DSE: variants seen among roughly 807,000 people sequenced by gnomAD.
The protein encoded by DSE is dermatan sulfate epimerase, also known as dermatan-sulfate epimerase.
A neutral mutation model predicts 84.4 loss-of-function variants in DSE; 36 were observed. The observed-to-expected ratio is 0.43, with a 90% CI of 0.33 to 0.56. The LOEUF (loss-of-function observed/expected upper bound fraction) is 0.56. Among genes scored for constraint, DSE ranks in the 20% least tolerant of loss-of-function variants. The probability of loss-of-function intolerance (pLI) is 0.06; values close to 1 mark genes in which losing one functional copy is unlikely to be tolerated. For synonymous variants in DSE, 410 were observed against 430.1 expected (o/e 0.95, Z 0.58); for missense variants, 862 against 1,169.6 (o/e 0.74, Z 3.84).
chr6:116,393,831 G>C (rs576965158), intron 1 of DSE, among the ~76,000 whole-genome samples: 12 of 152,266 alleles, frequency 7.9e-5, no homozygotes, highest in African/African-American at 2.9e-4. Context: ...TACTTTCTCT[G>C]TTTTCTGAAG....
intron 1 of DSE, among the ~76,000 whole-genome samples, chr6:116,383,480 A>G (rs1583141153): frequency 6.6e-6 from 1 of 152,220 alleles, no homozygotes; most frequent in African/African-American, 2.4e-5. Context: ...CTAAGACAGA[A>G]TGAAATAAGG....
chr6:116,292,122 T>C (rs544209806), intron 2 of DSE, among the ~76,000 whole-genome samples: 1 of 152,230 alleles, frequency 6.6e-6, no homozygotes, highest in African/African-American at 2.4e-5. Context: ...TAGGTGATAG[T>C]TGACATCATC....
chr6:116,378,560 A>G (rs1780057059), intron 1 of DSE, among the ~76,000 whole-genome samples: 1 of 152,274 alleles, frequency 6.6e-6, no homozygotes, highest in Admixed American at 6.5e-5. Context: ...TCCCCTGCTT[A>G]ATCTGTTTTC....
chr6:116,258,204 C>T (rs923393603), intron 1 of DSE, among the ~76,000 whole-genome samples: 3 of 151,342 alleles, frequency 2.0e-5, no homozygotes, highest in African/African-American at 4.9e-5. Context: ...TTAGTAGATA[C>T]AGGGTTTCAC....
intron 2 of DSE, among the ~76,000 whole-genome samples, chr6:116,286,609 T>C (rs544812459): frequency 6.6e-6 from 1 of 152,146 alleles, no homozygotes; most frequent in Non-Finnish European, 1.5e-5. Context: ...AACATCAATA[T>C]AATCACATCA....
chr6:116,317,767 C>T (rs1298052167), intron 2 of DSE, among the ~76,000 whole-genome samples: 1 of 152,210 alleles, frequency 6.6e-6, no homozygotes. Flanking sequence ...TTTATGTACT[C>T]TGTGCTTATG....
At position 116,399,355 on chromosome 6, in the gene DSE, C is replaced by T; in HGVS notation, c.105C>T (p.Phe35=). 6.2e-7 allele frequency: 1 copy of T among 1,614,096 alleles called. No homozygotes were observed. The highest frequency in any genetic ancestry group is 1.1e-5 in the South Asian group (1 of 91,084). Residue 35 remains phenylalanine, a synonymous_variant, in exon 2 of 6, where the codon TTC becomes TTT. Coordinates refer to ENST00000644252, the MANE Select transcript of DSE (RefSeq NM_013352.4). ...AGAACCCAGAAGTTATGATTCCCTT[C>T]ACCAATGCCAACTACGACAGCCATC... ...TDENPEVMIP[F]TNANYDSHPM...
At chr6:116,349,788 A>G (rs1778208160) in intron 2 of DSE, among the ~76,000 whole-genome samples, 1 of 152,198 alleles carries the variant, frequency 6.6e-6, no homozygotes, top group Non-Finnish European at 1.5e-5. Flanking sequence ...CTAGAATGCC[A>G]CAGGTTCTCA....
At chr6:116,269,024 AAAAAAG>A (rs1392176062) in intron 2 of DSE, among the ~76,000 whole-genome samples, 138 of 151,758 alleles carry the variant, frequency 9.1e-4, no homozygotes, top group African/African-American at 3.1e-3. Flanking sequence ...ACTTTAAAAA[AAAAAAG>A]AAAAAAAAAA....
At chr6:116,309,598 G>C (rs191888855) in intron 2 of DSE, among the ~76,000 whole-genome samples, 25 of 152,314 alleles carry the variant, frequency 1.6e-4, no homozygotes, top group African/African-American at 6.0e-4. Flanking sequence ...AAATATCTGA[G>C]ACTAGGTAAT....
chr6:116,399,113 A>C (rs1036657206), intron 1 of DSE, 85 bp from the exon 2 acceptor site: 1 of 1,076,842 alleles, frequency 9.3e-7, no homozygotes, highest in Non-Finnish European at 1.3e-6. Flanking sequence ...ATTTTCACAT[A>C]TGGTTTCTAC....
intron 2 of DSE, among the ~76,000 whole-genome samples, chr6:116,304,747 G>C (rs1459017791): frequency 1.3e-5 from 2 of 152,152 alleles, no homozygotes; most frequent in Non-Finnish European, 2.9e-5. Context: ...GGGTTCCTCA[G>C]TTCTTCAGGG....
intron 2 of DSE, among the ~76,000 whole-genome samples, chr6:116,347,849 T>G (rs375485259): frequency 1.3e-5 from 2 of 152,124 alleles, no homozygotes; most frequent in Non-Finnish European, 2.9e-5. Context: ...CCATCAGAGT[T>G]AACAGGCAAC....
At chr6:116,341,166 A>G (rs1034871350) in intron 2 of DSE, among the ~76,000 whole-genome samples, 2 of 151,878 alleles carry the variant, frequency 1.3e-5, no homozygotes, top group Non-Finnish European at 2.9e-5. Context: ...TGACTTTTTA[A>G]TGATTGCCAT....
chr6:116,310,914 T>C lies in DSE; in HGVS notation c.-54+51947T>C, dbSNP rs1350303172. On this transcript the variant is annotated intron_variant, in intron 2 of 3. Coordinates refer to the DSE transcript ENST00000430252. ...GAATGTCTTGTGTGGCCACAGGGTC[T>C]CTGGGCCCTGCCTTGCCTGTGTGTC... 3.3e-5 allele frequency among the ~76,000 whole-genome samples: 5 copies of C among 152,254 alleles called. No homozygotes were observed. The East Asian group carries it at 9.6e-4, about 29-fold the overall frequency.
chr6:116,378,733 C>T (rs1265795305), intron 1 of DSE, among the ~76,000 whole-genome samples: 1 of 152,080 alleles, frequency 6.6e-6, no homozygotes, highest in Non-Finnish European at 1.5e-5. Flanking sequence ...TTAACACATC[C>T]ATCACCACCT....
chr6:116,269,539 T>C (rs1291742286), intron 2 of DSE, among the ~76,000 whole-genome samples: 3 of 152,196 alleles, frequency 2.0e-5, no homozygotes, highest in African/African-American at 7.2e-5. Flanking sequence ...GTAGATTGGA[T>C]ACCATTTGAA....
At chr6:116,334,654 T>G (rs977913729) in intron 2 of DSE, among the ~76,000 whole-genome samples, 1 of 152,194 alleles carries the variant, frequency 6.6e-6, no homozygotes, top group African/African-American at 2.4e-5. Context: ...TTTATAGCTT[T>G]GAGTTTTCCA....
chr6:116,322,052 CCTG>C (rs1776357744), intron 2 of DSE, among the ~76,000 whole-genome samples: 1 of 152,154 alleles, frequency 6.6e-6, no homozygotes, highest in African/African-American at 2.4e-5. Context: ...GTGAGCAATT[CCTG>C]TCCCTTTTAA....
Sources: gnomAD v4.1 joint callset for allele counts (sites outside exome capture counted in the v4.1 genomes callset) on GRCh38, gnomAD v4.1.1 for gene constraint, MANE v1.5 for transcripts, NCBI Gene and HGNC (gene_info 2026-07-23, HGNC 2026-07-21) for gene names.